Variants in SPAG16 observed in about 807,000 individuals in gnomAD.
SPAG16 encodes the protein sperm associated antigen 16, also known as sperm-associated antigen 16 protein.
A neutral mutation model predicts 80.4 loss-of-function variants in SPAG16; 86 were observed. That is an observed-to-expected ratio of 1.07 (90% CI 0.90 to 1.28). The LOEUF (loss-of-function observed/expected upper bound fraction) is 1.28, where lower values mean the gene tolerates loss of function less well. SPAG16 is among the 50% of genes most tolerant of loss of function. SPAG16 has a pLI of 0.00. For synonymous variants in SPAG16, 294 were observed against 265.9 expected, an observed-to-expected ratio of 1.11 and a Z score of -1.03; for missense variants, 870 against 765.3, an observed-to-expected ratio of 1.14 and a Z score of -1.61.
intron 10 of SPAG16, among the ~76,000 whole-genome samples, chr2:213,636,035 T>C (rs1046307531): frequency 6.6e-6 from 1 of 152,214 alleles, no homozygotes; most frequent in Non-Finnish European, 1.5e-5. Flanking sequence ...AGCCAATGTC[T>C]AAAAGAGTTT....
At chr2:213,653,708 A>G (rs1490554805) in intron 10 of SPAG16, among the ~76,000 whole-genome samples, 3 of 152,200 alleles carry the variant, frequency 2.0e-5, no homozygotes, top group East Asian at 3.8e-4. Context: ...GAATTCTAAA[A>G]TAGATCCAAT....
chr2:213,841,374 C>A (rs929791434), intron 10 of SPAG16, among the ~76,000 whole-genome samples: 2 of 152,104 alleles, frequency 1.3e-5, no homozygotes, highest in African/African-American at 2.4e-5. Flanking sequence ...TCATGTTAGA[C>A]CCTTGGTCTA....
intron 10 of SPAG16, among the ~76,000 whole-genome samples, chr2:213,791,106 A>G (rs2070674079): frequency 6.6e-6 from 1 of 152,096 alleles, no homozygotes; most frequent in East Asian, 1.9e-4. Flanking sequence ...GTGTGGACAT[A>G]GTAATAAGTG....
In SPAG16 at chr2:213,535,543, C is replaced by T. The variant is rs181851856; in HGVS notation, c.1070+45453C>T. Among the ~76,000 whole-genome samples, 3 of 152,128 alleles carry T rather than the reference C, an allele frequency of 2.0e-5. No individual in the cohort carries two copies. The East Asian group carries it at 5.8e-4, about 29-fold the overall frequency. ...AACAAACTTTTTTGTAATTTCTTTG[C>T]AATTTTCATTTCTTATTGAAATCAT... is the stretch of plus-strand genomic sequence containing the variant. On this transcript the variant is annotated intron_variant, in intron 10 of 15. Transcript: ENST00000331683.
In SPAG16 at chr2:213,572,335, T is replaced by C. The variant is rs1448613815; in HGVS notation, c.1070+82245T>C. 1.2e-4 allele frequency among the ~76,000 whole-genome samples: 11 copies of C among 92,734 alleles called. No homozygotes were observed. The East Asian group carries it at 3.0e-3, about 25-fold the overall frequency. The allele number at this position is 92,734 out of a possible 152,430, so 60.8% of individuals were successfully genotyped here. A position where few individuals can be genotyped will look rare whatever the true frequency, so the allele number is the denominator to read the frequency against. On this transcript the variant is annotated intron_variant, in intron 10 of 15. Transcript: ENST00000331683. ...CGCTCTGCGTTTTAGAGTTTCCAGT[T>C]TTTCTGTTCTGTTTTTTCCCCATCT...
chr2:213,588,650 A>C (rs1462115816), intron 10 of SPAG16, among the ~76,000 whole-genome samples: 1 of 150,714 alleles, frequency 6.6e-6, no homozygotes, highest in Non-Finnish European at 1.5e-5. Context: ...AAAATACAAA[A>C]AATCAGCCGG....
intron 10 of SPAG16, among the ~76,000 whole-genome samples, chr2:213,543,289 T>C (rs1248197698): frequency 1.3e-5 from 2 of 152,042 alleles, no homozygotes; most frequent in South Asian, 2.1e-4. Flanking sequence ...TATTAGACTC[T>C]CAGTACTTTT....
chr2:213,506,077 A>G (rs2074955422), intron 10 of SPAG16, among the ~76,000 whole-genome samples: 1 of 152,016 alleles, frequency 6.6e-6, no homozygotes, highest in Admixed American at 6.6e-5. Context: ...TGGATACAAT[A>G]TATTTCTGGG....
intron 15 of SPAG16, among the ~76,000 whole-genome samples, chr2:214,178,702 C>A (rs1277127919): frequency 6.6e-6 from 1 of 150,910 alleles, no homozygotes; most frequent in Non-Finnish European, 1.5e-5. Context: ...TGTAGCACAC[C>A]CAGTGTTTTG....
chr2:213,346,586 C>T (rs1025949402), intron 6 of SPAG16, among the ~76,000 whole-genome samples: 13 of 152,180 alleles, frequency 8.5e-5, no homozygotes, highest in Non-Finnish European at 1.3e-4. Context: ...GAGTTTTTAG[C>T]ATGAAGGTTG....
At chr2:214,212,850 T>A (rs1424823263) in intron 15 of SPAG16, among the ~76,000 whole-genome samples, 2 of 152,236 alleles carry the variant, frequency 1.3e-5, no homozygotes, top group Admixed American at 1.3e-4. Context: ...ACCTGAGGAA[T>A]TTTAGAGGGA....
intron 9 of SPAG16, among the ~76,000 whole-genome samples, chr2:213,410,570 CT>C (rs2068911818): frequency 6.6e-6 from 1 of 152,216 alleles, no homozygotes; most frequent in Non-Finnish European, 1.5e-5. Flanking sequence ...CAAAAACCAA[CT>C]GGTTTTTGTA....
chr2:213,390,393 C>T (rs2067678049), intron 9 of SPAG16, among the ~76,000 whole-genome samples: 3 of 152,078 alleles, frequency 2.0e-5, no homozygotes, highest in Admixed American at 2.0e-4. Flanking sequence ...CCATTAATAA[C>T]TTATGATGCA....
chr2:213,398,839 G>C (rs1331732252), intron 9 of SPAG16, among the ~76,000 whole-genome samples: 2 of 152,076 alleles, frequency 1.3e-5, no homozygotes, highest in African/African-American at 4.8e-5. Context: ...TGTATTCACT[G>C]CTATATTCTC....
intron 10 of SPAG16, among the ~76,000 whole-genome samples, chr2:213,558,964 T>A (rs543864265): frequency 1.3e-5 from 2 of 152,244 alleles, no homozygotes; most frequent in South Asian, 4.1e-4. Context: ...AGGGAAAAAC[T>A]TTATAAAGCA....
chr2:213,407,621 GAGAGAGAGAGAGAGAGAGAC>G (rs2068695929), intron 9 of SPAG16, among the ~76,000 whole-genome samples: 1 of 132,178 alleles, frequency 7.6e-6, no homozygotes, highest in Non-Finnish European at 1.7e-5. Flanking sequence ...GAGAGAGAGA[GAGAGAGAGAGAGAGAGAGAC>G]AGACAGACAG....
chr2:214,145,374 T>C (rs1433751553), intron 14 of SPAG16, among the ~76,000 whole-genome samples: 1 of 152,158 alleles, frequency 6.6e-6, no homozygotes, highest in East Asian at 1.9e-4. Context: ...TTTGTATTTA[T>C]AAATAATGCT....
intron 10 of SPAG16, among the ~76,000 whole-genome samples, chr2:213,852,662 G>A (rs1005023205): frequency 6.6e-5 from 10 of 152,112 alleles, no homozygotes; most frequent in African/African-American, 2.2e-4. Flanking sequence ...AGGAGGTCAT[G>A]TTTTCAATGT....
At chr2:214,347,715 C>T (rs538015930) in intron 15 of SPAG16, among the ~76,000 whole-genome samples, 34 of 152,128 alleles carry the variant, frequency 2.2e-4, no homozygotes, top group Non-Finnish European at 4.7e-4. Flanking sequence ...AACTTTTTGT[C>T]TAATGGAGTA....
Sources: allele counts gnomAD v4.1 joint callset (sites outside exome capture counted in the v4.1 genomes callset), GRCh38; gene constraint gnomAD v4.1.1; transcripts MANE v1.5; gene names NCBI Gene and HGNC (gene_info 2026-07-23, HGNC 2026-07-21).